The following ZNF76 variants were observed in gnomAD, a reference collection of about 807,000 sequenced individuals.
ZNF76 encodes zinc finger protein 523.
Under a neutral mutation model 66.9 loss-of-function variants are expected in ZNF76, and 66 were observed. The observed-to-expected ratio is 0.99, with a 90% CI of 0.81 to 1.21. The LOEUF is 1.21. ZNF76 is among the 50% of genes most tolerant of loss of function. ZNF76 has a pLI of 0.00. For synonymous variants in ZNF76, 275 were observed against 296.1 expected, an observed-to-expected ratio of 0.93 and a Z score of 0.73; for missense variants, 729 against 760.3, an observed-to-expected ratio of 0.96 and a Z score of 0.48.
chr6:35,291,387 T>C lies in ZNF76; in HGVS notation c.735T>C (p.His245=), dbSNP rs150775750. 3.1e-4 allele frequency: 505 copies of C among 1,614,094 alleles called. 1 individual carries two copies. Among genetic ancestry groups the C allele is most frequent in the Non-Finnish European group, 3.8e-4 (451 of 1,180,006 alleles). Residue 245 remains histidine (H), a synonymous_variant, in exon 8 of 14, where the codon CAT becomes CAC. Coordinates refer to ENST00000373953, the MANE Select transcript of ZNF76 (RefSeq NM_003427.5). The part of the protein sequence containing the change: ...AFKTSGDLQK[H]VRTHTGERPF... ...AGACCTCAGGAGACCTGCAGAAGCATGTCCGTACCCACACTGGTATGCTGG... is the reference window on the plus strand; with the variant it reads ...AGACCTCAGGAGACCTGCAGAAGCACGTCCGTACCCACACTGGTATGCTGG...
chr6:35,291,496 C>G, intron 8 of ZNF76, 62 bp from the exon 9 acceptor site: 1 of 1,607,018 alleles, frequency 6.2e-7, no homozygotes, highest in Non-Finnish European at 8.5e-7. Context: ...AGTGCCATCC[C>G]CAGCTTGCTC....
intron 11 of ZNF76, 144 bp downstream of exon 11, chr6:35,293,188 G>A: frequency 1.0e-6 from 1 of 970,620 alleles, no homozygotes; most frequent in Non-Finnish European, 1.5e-6. Flanking sequence ...CTGAGGCTGA[G>A]GAGACCACAT....
chr6:35,277,172 A>G (rs1788040071), intron 1 of ZNF76, among the ~76,000 whole-genome samples: 1 of 152,142 alleles, frequency 6.6e-6, no homozygotes, highest in Non-Finnish European at 1.5e-5. Flanking sequence ...GGGTTACCCA[A>G]AGAATCTACC....
At chr6:35,280,962 C>T in intron 1 of ZNF76, 94 bp from the exon 2 acceptor site, 5 of 612,990 alleles carry the variant, frequency 8.2e-6, no homozygotes, top group East Asian at 2.7e-5. Context: ...CTTTTTTCTT[C>T]TTGGCTGGCT....
chr6:35,271,696 A>C (rs1167850454), intron 1 of ZNF76, among the ~76,000 whole-genome samples: 1 of 151,150 alleles, frequency 6.6e-6, no homozygotes, highest in Non-Finnish European at 1.5e-5. Flanking sequence ...AAAAAAAAAT[A>C]TATATAGCAG....
chr6:35,293,310 G>A (rs190667924), intron 11 of ZNF76, among the ~76,000 whole-genome samples: 24 of 152,318 alleles, frequency 1.6e-4, no homozygotes, highest in East Asian at 3.9e-4. Context: ...CTGTTCATCT[G>A]AACAGGATAT....
chr6:35,281,291 C>T, intron 2 of ZNF76, 67 bp downstream of exon 2: 1 of 1,486,748 alleles, frequency 6.7e-7, no homozygotes, highest in Non-Finnish European at 9.4e-7. Flanking sequence ...GTGTCCATTT[C>T]TAAGAGTCCC....
rs759048835 is a variant in ZNF76 at position 35,286,205 on chromosome 6, A to T, written c.151A>T (p.Lys51Ter). The stretch of plus-strand genomic sequence containing the variant: ...ATACATTCACCAGGTGACGGTACAG[A>T]AAGGTGAGGGCACCCCAACACACCA... ...TAYIHQVTVQKEALSFEDGQP... is the reference protein window; with the variant it reads ...TAYIHQVTVQ The change falls in exon 3 of 14, where the codon AAA (lysine) becomes TAA (stop). Residue 51 changes from lysine (K) to a stop codon, truncating the protein, a stop_gained. Transcript: ENST00000373953. LOFTEE classifies it high-confidence loss of function. The T allele has an allele frequency of 6.2e-7, 1 of 1,614,134 alleles. No individual in the cohort carries two copies. The highest frequency in any genetic ancestry group is 2.2e-5 in the East Asian group (1 of 44,882).
At chr6:35,262,792 C>G (rs1215833946) in intron 1 of ZNF76, among the ~76,000 whole-genome samples, 1 of 152,140 alleles carries the variant, frequency 6.6e-6, no homozygotes, top group Non-Finnish European at 1.5e-5. Context: ...TGAAGCAATC[C>G]TGTATAACTT....
chr6:35,295,064 G>A lies in ZNF76; in HGVS notation c.1609-80G>A. ...AGATGGGGGAGAGTCAAAAAAAAAA[G>A]TAGGCCACATATTACTAACACTGGA... is the stretch of plus-strand genomic sequence containing the variant. On this transcript the variant is annotated intron_variant, in intron 13 of 13. Coordinates refer to ENST00000373953, the MANE Select transcript of ZNF76 (RefSeq NM_003427.5). The A allele has an allele frequency of 4.5e-6, 5 of 1,113,224 alleles. No homozygotes were observed. The South Asian group carries it at 7.3e-5, about 16-fold the overall frequency. 69.0% of individuals were successfully genotyped at this position (1,113,224 alleles called of 1,614,324 possible). A position where few individuals can be genotyped will look rare whatever the true frequency, so the allele number is the denominator to read the frequency against.
intron 5 of ZNF76, chr6:35,288,372 C>G (rs956167452): frequency 5.7e-6 from 2 of 351,898 alleles, no homozygotes; most frequent in East Asian, 7.5e-5. Context: ...CACAGTAGCT[C>G]AGCTGGAAAG....
rs775847813 is a variant in ZNF76, at chr6:35,292,790, A to G, written c.1165+3A>G. On this transcript the variant is annotated splice_donor_region_variant and intron_variant, in intron 10 of 13. Transcript: ENST00000373953. The surrounding 1 kb of genome is among the most constrained non-coding windows in gnomAD (Gnocchi z 4.7). ...CTATGAGCAGCAGCAACTTGAGGGT[A>G]AGGGGAGTGGGCAGAGGGTGAGAGT... The G allele has an allele frequency of 3.7e-5, 60 of 1,613,852 alleles. No individual in the cohort carries two copies. The highest frequency in any genetic ancestry group is 5.0e-5 in the Non-Finnish European group (59 of 1,179,926).
chr6:35,290,576 A>G (rs1464009066), intron 6 of ZNF76, 65 bp from the exon 7 acceptor site: 6 of 1,592,206 alleles, frequency 3.8e-6, no homozygotes, highest in Non-Finnish European at 5.2e-6. Flanking sequence ...AGGGTCCTAA[A>G]GAAAACCAAA....
intron 1 of ZNF76, among the ~76,000 whole-genome samples, chr6:35,272,891 T>TATGA (rs1787311991): frequency 6.6e-6 from 1 of 152,048 alleles, no homozygotes; most frequent in Non-Finnish European, 1.5e-5. Flanking sequence ...TGGTGGCTCA[T>TATGA]GCCTGTAATC....
At chr6:35,275,232 T>A (rs1787710878) in intron 1 of ZNF76, among the ~76,000 whole-genome samples, 1 of 152,094 alleles carries the variant, frequency 6.6e-6, no homozygotes, top group African/African-American at 2.4e-5. Flanking sequence ...AGTGCTCCCT[T>A]CTGTCTTCAC....
At chr6:35,294,350 C>A in intron 12 of ZNF76, 106 bp from the exon 13 acceptor site, 1 of 770,046 alleles carries the variant, frequency 1.3e-6, no homozygotes, top group African/African-American at 1.7e-5. Flanking sequence ...TTTATCCATT[C>A]TCTTCTGGGT....
chr6:35,291,842 T>C (rs1027661287), intron 9 of ZNF76, 105 bp downstream of exon 9: 2 of 1,387,214 alleles, frequency 1.4e-6, no homozygotes, highest in Non-Finnish European at 2.0e-6. Context: ...AGAACCCTTC[T>C]GTGCCAGCCA....
chr6:35,287,578 A>T lies in ZNF76; in HGVS notation c.233-68A>T. On this transcript the variant is annotated intron_variant, in intron 4 of 13. Transcript: ENST00000373953. This position sits in a 1 kb window ranked among gnomAD's most constrained non-coding sequence, Gnocchi z 4.0. ...TGGTATATGTATCTCTCATTAACTT[A>T]AAGCTAGGGTCCCAGCTGTATCTCT... 6.9e-7 allele frequency: 1 copy of T among 1,454,294 alleles called. No individual in the cohort carries two copies. The allele number at this position is 1,454,294 out of a possible 1,614,324, so 90.1% of individuals were successfully genotyped here.
chr6:35,263,696 G>A (rs969071582), intron 1 of ZNF76, among the ~76,000 whole-genome samples: 13 of 152,148 alleles, frequency 8.5e-5, no homozygotes, highest in Admixed American at 8.5e-4. Context: ...TGAGTTATTT[G>A]TGTACTTTTC....
Sources: gnomAD v4.1 joint callset for allele counts (sites outside exome capture counted in the v4.1 genomes callset) on GRCh38, gnomAD v4.1.1 for gene constraint, Gnocchi (gnomAD v3.1) non-coding constraint, MANE v1.5 for transcripts, NCBI Gene and HGNC (gene_info 2026-07-23, HGNC 2026-07-21) for gene names.